The following LIPC variants were observed in gnomAD, a reference collection of about 807,000 sequenced individuals.
LIPC encodes lipase C, hepatic type.
Under a neutral mutation model 50.7 loss-of-function variants are expected in LIPC, and 44 were observed. The observed-to-expected ratio is 0.87, with a 90% CI of 0.68 to 1.11. The LOEUF (loss-of-function observed/expected upper bound fraction) is 1.11. LIPC is among the 50% of genes most tolerant of loss of function. The pLI is 0.00. For missense variants in LIPC, 697 were observed against 648.2 expected (o/e 1.08, Z -0.82); for synonymous variants, 271 against 256.4 (o/e 1.06, Z -0.54).
At chr15:58,464,834 G>A in intron 1 of LIPC, among the ~76,000 whole-genome samples, 1 of 152,198 alleles carries the variant, frequency 6.6e-6, no homozygotes, top group Non-Finnish European at 1.5e-5. Flanking sequence ...TTAGCTGGGT[G>A]TGGTGGTGTG....
intron 6 of LIPC, among the ~76,000 whole-genome samples, chr15:58,555,072 G>A (rs942167566): frequency 3.9e-5 from 6 of 152,160 alleles, no homozygotes; most frequent in Non-Finnish European, 8.8e-5. Flanking sequence ...TGTAGAAATA[G>A]GCAATTCTCA....
intron 8 of LIPC, among the ~76,000 whole-genome samples, chr15:58,567,595 A>G (rs1894436629): frequency 6.6e-6 from 1 of 152,012 alleles, no homozygotes. Flanking sequence ...TAATAAGTAA[A>G]TAGTAAACTC....
chr15:58,495,083 T>C (rs1191250687), intron 1 of LIPC, among the ~76,000 whole-genome samples: 1 of 152,156 alleles, frequency 6.6e-6, no homozygotes, highest in African/African-American at 2.4e-5. Context: ...CACAGAAGAC[T>C]TTCTCACCAG....
intron 1 of LIPC, among the ~76,000 whole-genome samples, chr15:58,511,533 G>A (rs542461506): frequency 4.0e-4 from 61 of 152,300 alleles, no homozygotes; most frequent in Admixed American, 3.2e-3. Context: ...AGTTCTCAGG[G>A]GAGAGCTATA....
chr15:58,561,786 C>T (rs1316920810), intron 7 of LIPC, among the ~76,000 whole-genome samples: 6 of 152,170 alleles, frequency 3.9e-5, no homozygotes, highest in Non-Finnish European at 1.5e-5. Context: ...AAGTCTGCTT[C>T]ATCAGTCTTA....
In LIPC at chr15:58,560,923, A is replaced by C; in HGVS notation, c.1111A>C (p.Thr371Pro). ...INQTETPIQT[T>P]FTMSLLGTKE... is the part of the protein sequence containing the mutation. ...CCAAACTGAGACACCAATACAAACA[A>C]CTTTTACCATGTCACTACTCGGAAC... The change falls in exon 7 of 9, where the codon ACT becomes CCT. Residue 371 changes from threonine (T) to proline (P), a missense_variant. Transcript: ENST00000299022. The C allele has an allele frequency of 6.4e-7, 1 of 1,569,788 alleles. No individual in the cohort carries two copies. Among genetic ancestry groups the C allele is most frequent in the South Asian group, 1.1e-5 (1 of 90,112 alleles).
chr15:58,499,629 TTC>T (rs2140833789), intron 1 of LIPC, among the ~76,000 whole-genome samples: 1 of 152,304 alleles, frequency 6.6e-6, no homozygotes, highest in South Asian at 2.1e-4. Flanking sequence ...CCGCTCCGGT[TTC>T]TCTGAGCACC....
chr15:58,494,690 C>A, intron 1 of LIPC: 1 of 449,522 alleles, frequency 2.2e-6, no homozygotes, highest in Non-Finnish European at 4.5e-6. Context: ...TACCCAGCGT[C>A]AGATAATGAA....
chr15:58,539,805 T>G (rs1374868331), intron 2 of LIPC, among the ~76,000 whole-genome samples: 6 of 152,166 alleles, frequency 3.9e-5, no homozygotes, highest in African/African-American at 1.4e-4. Context: ...CTTGGCTTAG[T>G]CTGTGCCCTC....
At chr15:58,546,163 C>T (rs1039382467) in intron 5 of LIPC, among the ~76,000 whole-genome samples, 188 bp downstream of exon 5, 1 of 152,232 alleles carries the variant, frequency 6.6e-6, no homozygotes, top group Non-Finnish European at 1.5e-5. Flanking sequence ...TGTCCCCCAG[C>T]AGGCCACTCC....
At chr15:58,541,169 T>C (rs1178376756) in intron 2 of LIPC, among the ~76,000 whole-genome samples, 1 of 152,120 alleles carries the variant, frequency 6.6e-6, no homozygotes, top group Non-Finnish European at 1.5e-5. Flanking sequence ...CTTTGCTCTG[T>C]AAATCCATTA....
chr15:58,513,723 C>A (rs1308869066), intron 1 of LIPC, among the ~76,000 whole-genome samples: 2 of 152,218 alleles, frequency 1.3e-5, no homozygotes, highest in Non-Finnish European at 1.5e-5. Context: ...CAAAGCAACT[C>A]CCTCAGTTCA....
chr15:58,476,322 A>C (rs1304049158), intron 1 of LIPC, among the ~76,000 whole-genome samples: 7 of 152,238 alleles, frequency 4.6e-5, no homozygotes, highest in Non-Finnish European at 1.0e-4. Flanking sequence ...GGGGAAACAC[A>C]TGGGACTAGC....
intron 2 of LIPC, among the ~76,000 whole-genome samples, chr15:58,540,306 A>T (rs1413401577): frequency 2.0e-5 from 3 of 152,186 alleles, no homozygotes; most frequent in African/African-American, 7.2e-5. Context: ...AACAACAACA[A>T]CTGCAGTAAC....
At position 58,538,404 on chromosome 15, in the gene LIPC, C is replaced by A; in HGVS notation, c.160C>A (p.Leu54Ile). The A allele has an allele frequency of 6.2e-7, 1 of 1,613,990 alleles. No individual in the cohort carries two copies. Among genetic ancestry groups the A allele is most frequent in the South Asian group, 1.1e-5 (1 of 91,082 alleles). The stretch of plus-strand genomic sequence containing the variant: ...GCATGAGATGAAGACCAGATTCCTG[C>A]TCTTTGGAGAAACCAATCAGGGCTG... ...TLHEMKTRFL[L>I]FGETNQGCQI... is the part of the protein sequence containing the mutation. The change falls in exon 2 of 9, where the codon CTC becomes ATC. Residue 54 changes from leucine (L) to isoleucine (I), a missense_variant. Leu to Ile is a conservative substitution (Grantham distance 5, BLOSUM62 2). Coordinates refer to ENST00000299022, the MANE Select transcript of LIPC (RefSeq NM_000236.3).
At chr15:58,462,233 T>C (rs1894378913) in intron 1 of LIPC, among the ~76,000 whole-genome samples, 1 of 152,222 alleles carries the variant, frequency 6.6e-6, no homozygotes, top group African/African-American at 2.4e-5. Context: ...AGGCTGGGCC[T>C]TAGTACAGTC....
intron 1 of LIPC, among the ~76,000 whole-genome samples, chr15:58,438,974 C>T (rs1415719732): frequency 1.3e-5 from 2 of 152,326 alleles, no homozygotes; most frequent in East Asian, 1.9e-4. Context: ...GGAATGCAAG[C>T]GGAGGCCTCT....
At chr15:58,520,112 G>GTTTTTTTTT (rs10631480) in intron 1 of LIPC, among the ~76,000 whole-genome samples, 15 of 123,476 alleles carry the variant, frequency 1.2e-4, no homozygotes, top group South Asian at 2.5e-4. Context: ...GTTTTGGGCT[G>GTTTTTTTTT]TTTTTTTTTT....
chr15:58,497,348 A>T (rs919035823), intron 1 of LIPC, among the ~76,000 whole-genome samples: 1 of 152,114 alleles, frequency 6.6e-6, no homozygotes, highest in Non-Finnish European at 1.5e-5. Context: ...TCAGGAATGG[A>T]TGGGGAAGTG....
Sources: gnomAD v4.1 joint callset for allele counts (sites outside exome capture counted in the v4.1 genomes callset) on GRCh38, gnomAD v4.1.1 for gene constraint, MANE v1.5 for transcripts, NCBI Gene and HGNC (gene_info 2026-07-23, HGNC 2026-07-21) for gene names.